RBFOX1: variants seen among roughly 807,000 people sequenced by gnomAD.
The protein encoded by RBFOX1 is RNA binding fox-1 homolog 1, also known as RNA binding protein fox-1 homolog 1.
Under a neutral mutation model 57.7 loss-of-function variants are expected in RBFOX1, and 8 were observed. That is an observed-to-expected ratio of 0.14 (90% confidence interval 0.08 to 0.25). RBFOX1 has a LOEUF of 0.25. Among genes scored for constraint, RBFOX1 ranks in the 10% least tolerant of loss-of-function variants. The pLI is 1.00. For synonymous variants in RBFOX1, 326 were observed against 222.4 expected (o/e 1.47, Z -4.15); for missense variants, 611 against 548.5 (o/e 1.11, Z -1.14).
chr16:6,381,887 C>T (rs2091852766), intron 2 of RBFOX1, among the ~76,000 whole-genome samples: 2 of 152,336 alleles, frequency 1.3e-5, no homozygotes, highest in Middle Eastern at 3.4e-3. Flanking sequence ...TAGCTGTCTC[C>T]CCTGCTGCAC....
At chr16:5,716,933 G>A (rs530579720) in intron 3 of RBFOX1, among the ~76,000 whole-genome samples, 4 of 152,146 alleles carry the variant, frequency 2.6e-5, no homozygotes. Flanking sequence ...GCCTGGATTT[G>A]CTGACTTCTG....
chr16:5,417,539 C>T (rs760190826), intron 1 of RBFOX1, among the ~76,000 whole-genome samples: 5 of 152,042 alleles, frequency 3.3e-5, no homozygotes, highest in South Asian at 2.1e-4. Flanking sequence ...GATGATCAAT[C>T]GTGGATTTCT....
intron 1 of RBFOX1, among the ~76,000 whole-genome samples, chr16:6,185,208 C>T (rs957612596): frequency 3.9e-5 from 6 of 152,076 alleles, no homozygotes; most frequent in African/African-American, 1.2e-4. Context: ...AAAAAATTAC[C>T]CTGTGACTCT....
At chr16:7,256,621 C>T (rs1427293846) in intron 4 of RBFOX1, among the ~76,000 whole-genome samples, 1 of 152,142 alleles carries the variant, frequency 6.6e-6, no homozygotes, top group Non-Finnish European at 1.5e-5. Context: ...GGCCACAAAC[C>T]AAAGTCATAT....
intron 4 of RBFOX1, among the ~76,000 whole-genome samples, chr16:7,297,944 C>G (rs1302534693): frequency 6.6e-6 from 1 of 152,110 alleles, no homozygotes; most frequent in East Asian, 1.9e-4. Flanking sequence ...TACGCACATG[C>G]ATATGCACAT....
intron 3 of RBFOX1, among the ~76,000 whole-genome samples, chr16:7,049,017 C>T (rs550321493): frequency 9.9e-5 from 15 of 152,222 alleles, no homozygotes; most frequent in African/African-American, 3.6e-4. Context: ...TAGTTCAATT[C>T]TCAAAGCTTA....
At chr16:6,133,225 G>A (rs1314932010) in intron 1 of RBFOX1, among the ~76,000 whole-genome samples, 1 of 152,108 alleles carries the variant, frequency 6.6e-6, no homozygotes, top group African/African-American at 2.4e-5. Context: ...CATCTCCTGT[G>A]CTGACAAAAG....
At chr16:7,259,374 C>G (rs950909138) in intron 4 of RBFOX1, among the ~76,000 whole-genome samples, 8 of 152,100 alleles carry the variant, frequency 5.3e-5, no homozygotes, top group African/African-American at 1.9e-4. Flanking sequence ...AGTCGTTCAG[C>G]ACACATCACA....
intron 3 of RBFOX1, among the ~76,000 whole-genome samples, chr16:5,625,051 T>C (rs796781441): frequency 1.3e-5 from 2 of 152,264 alleles, no homozygotes; most frequent in African/African-American, 4.8e-5. Flanking sequence ...GGCTCTGGAT[T>C]CTATTTAAAA....
chr16:5,773,139 G>A (rs925659047), intron 3 of RBFOX1, among the ~76,000 whole-genome samples: 3 of 152,166 alleles, frequency 2.0e-5, no homozygotes, highest in Admixed American at 1.3e-4. Context: ...ACCTGGCTTG[G>A]GTTCAGTGGC....
chr16:7,258,186 C>A (rs1450102548), intron 4 of RBFOX1, among the ~76,000 whole-genome samples: 2 of 152,160 alleles, frequency 1.3e-5, no homozygotes, highest in Non-Finnish European at 1.5e-5. Context: ...GTATGGTTAA[C>A]AATGTGCCAT....
At chr16:5,527,703 G>A (rs1453701574) in intron 2 of RBFOX1, among the ~76,000 whole-genome samples, 1 of 152,164 alleles carries the variant, frequency 6.6e-6, no homozygotes, top group Admixed American at 6.5e-5. Context: ...GGAAAGGGCT[G>A]TGGGAGATTT....
chr16:7,211,334 G>A (rs2091092236), intron 4 of RBFOX1, among the ~76,000 whole-genome samples: 1 of 146,570 alleles, frequency 6.8e-6, no homozygotes, highest in East Asian at 2.0e-4. Context: ...GGAGCTTGCA[G>A]TGAGCCGAGA....
At chr16:7,040,060 C>T (rs1010631948) in intron 3 of RBFOX1, among the ~76,000 whole-genome samples, 2 of 151,704 alleles carry the variant, frequency 1.3e-5, no homozygotes, top group African/African-American at 4.8e-5. Flanking sequence ...CTTGCTCTGT[C>T]ACCAGGTTGG....
intron 1 of RBFOX1, among the ~76,000 whole-genome samples, chr16:6,147,802 G>A (rs1195415511): frequency 6.6e-6 from 1 of 152,130 alleles, no homozygotes; most frequent in African/African-American, 2.4e-5. Flanking sequence ...TAAAACCTAG[G>A]CATTATGATT....
intron 3 of RBFOX1, among the ~76,000 whole-genome samples, chr16:5,828,732 AG>A (rs2056163459): frequency 6.6e-6 from 1 of 152,122 alleles, no homozygotes; most frequent in Non-Finnish European, 1.5e-5. Flanking sequence ...ACCTTGTCAA[AG>A]TTGAGAGTGG....
Position 5,367,980 on chromosome 16 carries a change from C to T in RBFOX1, c.220-99236C>T, listed in dbSNP as rs542446111. On this transcript the variant is annotated intron_variant, in intron 1 of 2. Coordinates refer to the RBFOX1 transcript ENST00000585867. ...TTTCCCGTTCCTTATTCCAATGAGA[C>T]GTTATGGGTTCCACGGGGGTTCTTC... 5.3e-5 allele frequency among the ~76,000 whole-genome samples: 8 copies of T among 152,284 alleles called. No individual in the cohort carries two copies. In the East Asian group the frequency reaches 5.8e-4, roughly 11 times the overall value.
intron 4 of RBFOX1, among the ~76,000 whole-genome samples, chr16:5,893,542 C>T (rs996635839): frequency 3.9e-5 from 6 of 152,168 alleles, no homozygotes; most frequent in Non-Finnish European, 8.8e-5. Context: ...CATGGTGGCT[C>T]ACACCTGTAA....
intron 2 of RBFOX1, among the ~76,000 whole-genome samples, chr16:6,345,054 G>A (rs963163335): frequency 1.3e-5 from 2 of 152,134 alleles, no homozygotes; most frequent in South Asian, 2.1e-4. Flanking sequence ...TGATGATACA[G>A]TAGGATGAGA....
Sources: gnomAD v4.1 joint callset for allele counts (sites outside exome capture counted in the v4.1 genomes callset) on GRCh38, gnomAD v4.1.1 for gene constraint, MANE v1.5 for transcripts, NCBI Gene and HGNC (gene_info 2026-07-23, HGNC 2026-07-21) for gene names.